Variants in ITPKB observed in about 807,000 individuals in gnomAD.
ITPKB encodes inositol-trisphosphate 3-kinase B.
Under a neutral mutation model 69.4 loss-of-function variants are expected in ITPKB, and 13 were observed. The observed-to-expected ratio is 0.19, with a 90% CI of 0.12 to 0.30. The LOEUF (loss-of-function observed/expected upper bound fraction) is 0.30, where lower values mean the gene tolerates loss of function less well. Ranked by LOEUF, ITPKB falls within the 10% of genes least tolerant of loss-of-function variation. The pLI, the probability that ITPKB is intolerant of heterozygous loss-of-function variation, is 1.00. For synonymous variants in ITPKB, 584 were observed against 513.7 expected (o/e 1.14, Z -1.85); for missense variants, 1,240 against 1,250.5 (o/e 0.99, Z 0.13).
In ITPKB at chr1:226,631,878, GC is replaced by G. The variant is rs1340688748; in HGVS notation, c.*2792del. 6.6e-6 allele frequency: 1 copy of G among 152,258 alleles called. No homozygotes were observed. The highest frequency in any genetic ancestry group is 1.5e-5 in the Non-Finnish European group (1 of 68,086). 9.4% of individuals were successfully genotyped at this position (152,258 alleles called of 1,614,324 possible). A position where few individuals can be genotyped will look rare whatever the true frequency, so the allele number is the denominator to read the frequency against. On this transcript the variant is annotated 3_prime_UTR_variant, in exon 8 of 8. Coordinates refer to ENST00000429204, the MANE Select transcript of ITPKB (RefSeq NM_002221.4). ...GCACTGACGAGGTGACCACCCCAGA[GC>G]CAGGGGCTGGGTTATATACACATGG...
chr1:226,702,354 C>T (rs952698271), intron 2 of ITPKB, among the ~76,000 whole-genome samples: 1 of 150,500 alleles, frequency 6.6e-6, no homozygotes, highest in African/African-American at 2.5e-5. Flanking sequence ...GCGGACATCA[C>T]GCCACTACAC....
rs558867653 is a variant in ITPKB at position 226,678,168 on chromosome 1, A to G, written c.1933-29397T>C. ...ATTTGTCCAAATACCAAACCAGGACATGGACGCTAACAAAGACTATTTTTC... is the reference window on the plus strand; with the variant it reads ...ATTTGTCCAAATACCAAACCAGGACGTGGACGCTAACAAAGACTATTTTTC... On this transcript the variant is annotated intron_variant, in intron 2 of 7. Transcript: ENST00000429204. 4.7e-4 allele frequency among the ~76,000 whole-genome samples: 71 copies of G among 152,366 alleles called. 1 individual carries two copies. Among genetic ancestry groups the G allele is most frequent in the African/African-American group, 1.7e-3 (70 of 41,598 alleles).
intron 4 of ITPKB, among the ~76,000 whole-genome samples, chr1:226,644,137 T>C (rs959621197): frequency 6.6e-6 from 1 of 152,192 alleles, no homozygotes; most frequent in African/African-American, 2.4e-5. Context: ...ACATGGCCTT[T>C]CTCCAAAAAG....
At chr1:226,653,127 C>G (rs893670109) in intron 2 of ITPKB, among the ~76,000 whole-genome samples, 2 of 152,094 alleles carry the variant, frequency 1.3e-5, no homozygotes, top group African/African-American at 4.8e-5. Context: ...TGGCCTTGTT[C>G]CTATGTTCTA....
intron 2 of ITPKB, among the ~76,000 whole-genome samples, chr1:226,656,017 C>T (rs1234519398): frequency 1.3e-5 from 2 of 152,202 alleles, no homozygotes; most frequent in Non-Finnish European, 1.5e-5. Context: ...ACCTTAGGCC[C>T]GCAAGGGTGT....
At chr1:226,720,836 G>A (rs548562025) in intron 2 of ITPKB, among the ~76,000 whole-genome samples, 1 of 151,636 alleles carries the variant, frequency 6.6e-6, no homozygotes, top group African/African-American at 2.4e-5. Context: ...CAGATCACGC[G>A]GTTCAAGATC....
rs137920485 is a variant in ITPKB, at chr1:226,727,898, A to G, written c.1932+7629T>C. 2.0e-3 allele frequency among the ~76,000 whole-genome samples: 298 copies of G among 152,290 alleles called. 1 individual carries two copies. The highest frequency in any genetic ancestry group is 3.4e-3 in the Non-Finnish European group (228 of 68,036). ...CACCAGGTCAACGGAAATAATCTTG[A>G]TGCCTATGTTTGAGATGCTGTATCA... On this transcript the variant is annotated intron_variant, in intron 2 of 7. Coordinates refer to ENST00000429204, the MANE Select transcript of ITPKB (RefSeq NM_002221.4).
At chr1:226,685,311 C>T (rs1271124249) in intron 2 of ITPKB, among the ~76,000 whole-genome samples, 1 of 152,194 alleles carries the variant, frequency 6.6e-6, no homozygotes, top group African/African-American at 2.4e-5. Context: ...CCTGGCTCCA[C>T]GCATGCCCGC....
chr1:226,717,766 G>T (rs114525396), intron 2 of ITPKB, among the ~76,000 whole-genome samples: 3,253 of 152,300 alleles, frequency 0.021, 119 homozygotes, highest in African/African-American at 0.072. Flanking sequence ...CCGCCAAGGG[G>T]CATGACTCTA....
chr1:226,665,193 A>G (rs1004820795), intron 2 of ITPKB, among the ~76,000 whole-genome samples: 1 of 152,242 alleles, frequency 6.6e-6, no homozygotes, highest in South Asian at 2.1e-4. Context: ...CAGCCACTTA[A>G]GATGGGACCT....
At chr1:226,703,536 C>G (rs1467230026) in intron 2 of ITPKB, among the ~76,000 whole-genome samples, 1 of 152,030 alleles carries the variant, frequency 6.6e-6, no homozygotes, top group African/African-American at 2.4e-5. Context: ...CGCGCTCTGC[C>G]CGCCGCCCAC....
intron 3 of ITPKB, 68 bp downstream of exon 3, chr1:226,648,604 C>T: frequency 2.1e-6 from 2 of 936,118 alleles, no homozygotes; most frequent in Non-Finnish European, 3.5e-6. Context: ...CCCCAGAATG[C>T]AGCGTCCAGG....
At chr1:226,685,135 G>C (rs1448015002) in intron 2 of ITPKB, among the ~76,000 whole-genome samples, 2 of 152,238 alleles carry the variant, frequency 1.3e-5, no homozygotes, top group African/African-American at 4.8e-5. Flanking sequence ...AACACAGTAA[G>C]AGATTCATCC....
At chr1:226,730,504 G>A (rs1269358712) in intron 2 of ITPKB, among the ~76,000 whole-genome samples, 4 of 152,098 alleles carry the variant, frequency 2.6e-5, no homozygotes, top group African/African-American at 9.7e-5. Context: ...TCATGGAGTT[G>A]AGAGTACCAT....
At chr1:226,708,406 T>C (rs767637444) in intron 2 of ITPKB, among the ~76,000 whole-genome samples, 4 of 152,204 alleles carry the variant, frequency 2.6e-5, no homozygotes. Flanking sequence ...TTGGAGCTAC[T>C]CCCAGAGTCA....
intron 2 of ITPKB, among the ~76,000 whole-genome samples, chr1:226,678,517 A>C (rs1655969865): frequency 6.6e-6 from 1 of 152,234 alleles, no homozygotes; most frequent in Admixed American, 6.5e-5. Context: ...CTGAGTGTGA[A>C]TTCTGGCTCT....
rs1427293784 is a variant in ITPKB at position 226,736,152 on chromosome 1, C to A, written c.1307G>T (p.Arg436Leu). ...ARSGAPVGGGRWQLSDRVEGG... is the reference protein window; with the variant it reads ...ARSGAPVGGGLWQLSDRVEGG... Reference sequence around the variant, plus strand: ...CTCCACTCTGTCGGAGAGCTGCCAACGCCCCCCGCCCACGGGGGCCCCACT... The same window carrying A: ...CTCCACTCTGTCGGAGAGCTGCCAAAGCCCCCCGCCCACGGGGGCCCCACT... The change falls in exon 2 of 8, where the codon CGT (arginine) becomes CTT (leucine). Residue 436 changes from arginine (R) to leucine (L), a missense_variant. Physicochemically the swap from Arg to Leu is moderately radical, Grantham distance 102 (BLOSUM62 -2). Coordinates refer to ENST00000429204, the MANE Select transcript of ITPKB (RefSeq NM_002221.4). 2.6e-6 allele frequency: 4 copies of A among 1,561,270 alleles called. No homozygotes were observed. The highest frequency in any genetic ancestry group is 2.6e-6 in the Non-Finnish European group (3 of 1,153,348).
At chr1:226,718,637 A>G (rs1463888159) in intron 2 of ITPKB, among the ~76,000 whole-genome samples, 3 of 152,178 alleles carry the variant, frequency 2.0e-5, no homozygotes, top group Non-Finnish European at 4.4e-5. Flanking sequence ...CACAGAAAGA[A>G]CCTACAATGA....
At chr1:226,717,147 G>A (rs778222032) in intron 2 of ITPKB, among the ~76,000 whole-genome samples, 1 of 152,092 alleles carries the variant, frequency 6.6e-6, no homozygotes, top group African/African-American at 2.4e-5. Flanking sequence ...TCTCGATGGA[G>A]ACCAAATCCT....
Sources: gnomAD v4.1 joint callset for allele counts (sites outside exome capture counted in the v4.1 genomes callset) on GRCh38, gnomAD v4.1.1 for gene constraint, MANE v1.5 for transcripts, NCBI Gene and HGNC (gene_info 2026-07-23, HGNC 2026-07-21) for gene names.